The following D2HGDH variants were observed in gnomAD, a reference collection of about 807,000 sequenced individuals.
D2HGDH encodes the protein D-2-hydroxyglutarate dehydrogenase, also known as D-2-hydroxyglutarate dehydrogenase, mitochondrial.
A neutral mutation model predicts 46.9 loss-of-function variants in D2HGDH; 31 were observed. The ratio of observed to expected loss-of-function variants is 0.66; its 90% CI spans 0.50 to 0.89. The LOEUF is 0.89. Ranked by LOEUF, D2HGDH falls within the 40% of genes least tolerant of loss-of-function variation. The pLI is 0.00. For missense variants in D2HGDH, 698 were observed against 720.8 expected, an observed-to-expected ratio of 0.97 and a Z score of 0.36; for synonymous variants, 364 against 332.6, an observed-to-expected ratio of 1.09 and a Z score of -1.03.
intron 6 of D2HGDH, among the ~76,000 whole-genome samples, chr2:241,748,192 G>A (rs1300696657): frequency 6.6e-6 from 1 of 152,050 alleles, no homozygotes; most frequent in Non-Finnish European, 1.5e-5. Flanking sequence ...CACAATCTTG[G>A]CTCACTGAAA....
intron 9 of D2HGDH, among the ~76,000 whole-genome samples, chr2:241,759,008 C>T (rs6727713): frequency 0.35 from 53,936 of 151,974 alleles, 11,632 homozygotes; most frequent in African/African-American, 0.61. Context: ...TCTTAATTTC[C>T]AAACGTGGTG....
chr2:241,743,741 G>A lies in D2HGDH; in HGVS notation c.610G>A (p.Val204Met), dbSNP rs201837754. 5.0e-6 allele frequency: 8 copies of A among 1,613,250 alleles called. No individual in the cohort carries two copies. In the African/African-American group the frequency reaches 5.3e-5, roughly 11 times the overall value. Residue 204 changes from valine (V) to methionine (M), a missense_variant, in exon 5 of 10, where the codon GTG becomes ATG. By Grantham distance (21) the Val-to-Met change is conservative (BLOSUM62 1). Coordinates refer to ENST00000321264, the MANE Select transcript of D2HGDH (RefSeq NM_152783.5). This position sits in a 1 kb window ranked among gnomAD's most constrained non-coding sequence, Gnocchi z 4.8. ...AKGSCHIGGN[V>M]ATNAGGLRFL... ...GGGCAGCTGCCACATCGGGGGAAAC[G>A]TGGCAACCAACGCTGGAGGCCTGCG...
intron 6 of D2HGDH, among the ~76,000 whole-genome samples, chr2:241,748,080 C>T (rs1253895975): frequency 1.3e-5 from 2 of 152,024 alleles, no homozygotes; most frequent in African/African-American, 2.4e-5. Context: ...TACTCAGCCC[C>T]CAGGTCAGGC....
At chr2:241,757,745 G>A (rs1305362481) in intron 9 of D2HGDH, among the ~76,000 whole-genome samples, 1 of 152,140 alleles carries the variant, frequency 6.6e-6, no homozygotes, top group African/African-American at 2.4e-5. Context: ...ATCACCTGAG[G>A]TCAGGAGTTC....
Position 241,742,344 on chromosome 2 carries a change from G to A in D2HGDH, c.351-91G>A. On this transcript the variant is annotated intron_variant, in intron 3 of 9. Coordinates refer to ENST00000321264, the MANE Select transcript of D2HGDH (RefSeq NM_152783.5). The surrounding 1 kb of genome is among the most constrained non-coding windows in gnomAD (Gnocchi z 4.8). ...AGGCAGGGCAGGGTAATCAGGATTT[G>A]GAGTCAGGCACTGGTCCTGCGGCGT... The A allele has an allele frequency of 6.7e-7, 1 of 1,482,992 alleles. No individual in the cohort carries two copies. Among genetic ancestry groups the A allele is most frequent in the Admixed American group, 2.1e-5 (1 of 48,150 alleles). 91.9% of individuals were successfully genotyped at this position (1,482,992 alleles called of 1,614,324 possible). A position where few individuals can be genotyped will look rare whatever the true frequency, so the allele number is the denominator to read the frequency against.
chr2:241,736,809 C>T (rs111473696), intron 2 of D2HGDH, among the ~76,000 whole-genome samples: 140 of 152,028 alleles, frequency 9.2e-4, no homozygotes, highest in African/African-American at 3.1e-3. Flanking sequence ...TACAGGTGCC[C>T]GCCACCATGC....
At position 241,752,060 on chromosome 2, in the gene D2HGDH, C is replaced by T. The variant is rs138116150; in HGVS notation, c.1140+672C>T. ...TGGGAGGAGCCCTCAGTTACCTTCA[C>T]CGGGGCCTGGGCAGTGGGAGGCGCC... On this transcript the variant is annotated intron_variant, in intron 8 of 9. Coordinates refer to ENST00000321264, the MANE Select transcript of D2HGDH (RefSeq NM_152783.5). Among the ~76,000 whole-genome samples the T allele has an allele frequency of 7.4e-3, 1,096 of 148,128 alleles. 32 individuals carry two copies. Among genetic ancestry groups the T allele is most frequent in the African/African-American group, 0.026 (1,058 of 40,202 alleles).
rs371640577 is a variant in D2HGDH at position 241,742,878 on chromosome 2, A to C, written c.490+304A>C. ...CCCAGGGTGCCAGGGCGTGGCAGGC[A>C]TGAGGGGATCCTGACCCAGGGCGCC... On this transcript the variant is annotated intron_variant, in intron 4 of 9. Coordinates refer to ENST00000321264, the MANE Select transcript of D2HGDH (RefSeq NM_152783.5). This position sits in a 1 kb window ranked among gnomAD's most constrained non-coding sequence, Gnocchi z 4.8. Among the ~76,000 whole-genome samples the C allele has an allele frequency of 2.5e-5, 2 of 79,484 alleles. No individual in the cohort carries two copies. The highest frequency in any genetic ancestry group is 1.2e-4 in the African/African-American group (2 of 16,918). The allele number at this position is 79,484 out of a possible 152,430, so 52.1% of individuals were successfully genotyped here.
At chr2:241,760,643 A>G (rs1234944190) in intron 9 of D2HGDH, among the ~76,000 whole-genome samples, 1 of 151,522 alleles carries the variant, frequency 6.6e-6, no homozygotes, top group Admixed American at 6.6e-5. Context: ...CCTTTGCCAC[A>G]GTGTGGGTGG....
Position 241,755,667 on chromosome 2 carries a change from C to A in D2HGDH, c.1141-182C>A, listed in dbSNP as rs1168290533. On this transcript the variant is annotated intron_variant, in intron 8 of 9. Transcript: ENST00000321264. ...GTCCTGGGTCAGAGCCCCTCCTGGT[C>A]TGGGACATTCGCTGTCTGGGGTTGG... 3 of 1,544,502 alleles carry A rather than the reference C, an allele frequency of 1.9e-6. No individual in the cohort carries two copies. The East Asian group carries it at 7.4e-5, about 38-fold the overall frequency.
rs1292162444 is a variant in D2HGDH, at chr2:241,767,906, C to G, written c.1503C>G (p.Leu501=). ...PPGALQLMQQ[L]KALLDPKGIL... ...GGGCCCTGCAGCTCATGCAGCAGCTCAAGGCCCTGCTGGACCCCAAGGGCA... is the reference window on the plus strand; with the variant it reads ...GGGCCCTGCAGCTCATGCAGCAGCTGAAGGCCCTGCTGGACCCCAAGGGCA... Residue 501 remains leucine (L), a synonymous_variant, in exon 10 of 10, where the codon CTC becomes CTG. Coordinates refer to ENST00000321264, the MANE Select transcript of D2HGDH (RefSeq NM_152783.5). 4 of 1,603,758 alleles carry G rather than the reference C, an allele frequency of 2.5e-6. No homozygotes were observed. In the African/African-American group the frequency reaches 4.0e-5, roughly 16 times the overall value.
At chr2:241,761,471 G>A (rs1215773649) in intron 9 of D2HGDH, among the ~76,000 whole-genome samples, 2 of 152,160 alleles carry the variant, frequency 1.3e-5, no homozygotes, top group African/African-American at 4.8e-5. Context: ...TCTGGGAGGC[G>A]GAGGTTGCAG....
At position 241,767,701 on chromosome 2, in the gene D2HGDH, T is replaced by G. The variant is rs745549664; in HGVS notation, c.1307-9T>G. ...GCCCAGCCTGACCCATGTGCCCTTG[T>G]CCCTCCAGGAGATGGTAACCTGCAC... On this transcript the variant is annotated splice_polypyrimidine_tract_variant and intron_variant, in intron 9 of 9. Transcript: ENST00000321264. 1 of 1,612,420 alleles carries G rather than the reference T, an allele frequency of 6.2e-7. No homozygotes were observed. The highest frequency in any genetic ancestry group is 8.5e-7 in the Non-Finnish European group (1 of 1,179,478).
At chr2:241,761,610 C>T (rs921460852) in intron 9 of D2HGDH, among the ~76,000 whole-genome samples, 2 of 152,154 alleles carry the variant, frequency 1.3e-5, no homozygotes, top group South Asian at 2.1e-4. Flanking sequence ...GTCAGAGACT[C>T]GAGCATCTCA....
intron 2 of D2HGDH, among the ~76,000 whole-genome samples, chr2:241,739,394 G>T (rs1693815540): frequency 6.6e-6 from 1 of 152,264 alleles, no homozygotes; most frequent in Non-Finnish European, 1.5e-5. Context: ...AGGTGCCAGG[G>T]TTCCCTCAGG....
intron 6 of D2HGDH, 158 bp from the exon 7 acceptor site, chr2:241,749,993 A>C (rs1453904501): frequency 4.6e-6 from 5 of 1,075,932 alleles, no homozygotes; most frequent in African/African-American, 3.1e-5. Flanking sequence ...TGCCAGGCAA[A>C]CCCTGGGCTG....
chr2:241,764,849 G>A (rs1190715160), intron 9 of D2HGDH, among the ~76,000 whole-genome samples: 1 of 152,236 alleles, frequency 6.6e-6, no homozygotes, highest in African/African-American at 2.4e-5. Flanking sequence ...CTGGCCCGGA[G>A]GTGGGGCGGG....
rs779867615 is a variant in D2HGDH, at chr2:241,744,702, C to T, written c.685-7C>T. ...AGGTGGGTGAACGTGCTTCTCTTTG[C>T]CCCAAGGTGCTGGCCGACGGCACTG... On this transcript the variant is annotated splice_region_variant and splice_polypyrimidine_tract_variant and intron_variant, in intron 5 of 9. Coordinates refer to ENST00000321264, the MANE Select transcript of D2HGDH (RefSeq NM_152783.5). 5.0e-6 allele frequency: 8 copies of T among 1,614,244 alleles called. No homozygotes were observed. In the Admixed American group the frequency reaches 5.0e-5, roughly 10 times the overall value.
At chr2:241,744,904 G>A (rs1695444085) in intron 6 of D2HGDH, 27 bp downstream of exon 6, 1 of 1,613,790 alleles carries the variant, frequency 6.2e-7, no homozygotes, top group Non-Finnish European at 8.5e-7. Context: ...TGTGCCTTGA[G>A]ATGGGTGGTT....
Sources: allele counts gnomAD v4.1 joint callset (sites outside exome capture counted in the v4.1 genomes callset), GRCh38; gene constraint gnomAD v4.1.1; non-coding constraint Gnocchi (gnomAD v3.1); transcripts MANE v1.5; gene names NCBI Gene and HGNC (gene_info 2026-07-23, HGNC 2026-07-21).